The following SIL1 variants were observed in gnomAD, a reference collection of about 807,000 sequenced individuals.
SIL1 encodes SIL1 nucleotide exchange factor.
In SIL1, 40 loss-of-function variants were observed where a neutral mutation model predicts 49.1. That is an observed-to-expected ratio of 0.81 (90% CI 0.63 to 1.06). The LOEUF is 1.06. Ranked by LOEUF, SIL1 falls within the 50% of genes least tolerant of loss-of-function variation. The pLI is 0.00. For synonymous variants in SIL1, 253 were observed against 250.8 expected, an observed-to-expected ratio of 1.01 and a Z score of -0.08; for missense variants, 500 against 572.6, an observed-to-expected ratio of 0.87 and a Z score of 1.29.
At position 138,946,820 on chromosome 5, in the gene SIL1, A is replaced by C; in HGVS notation, c.*297T>G. The C allele has an allele frequency of 2.1e-6, 1 of 471,894 alleles. No homozygotes were observed. 29.2% of individuals were successfully genotyped at this position (471,894 alleles called of 1,614,324 possible). On this transcript the variant is annotated 3_prime_UTR_variant, in exon 10 of 10. Coordinates refer to ENST00000394817, the MANE Select transcript of SIL1 (RefSeq NM_022464.5). ...CCAAGGTACAGAGCTGCTGCTTGGT[A>C]AGAAGCAGAGACTTGCAACTCCTGG...
intron 7 of SIL1, among the ~76,000 whole-genome samples, chr5:138,978,479 T>C (rs1767440998): frequency 6.6e-6 from 1 of 152,252 alleles, no homozygotes; most frequent in Non-Finnish European, 1.5e-5. Context: ...TTGGCTGTTA[T>C]GAATATTGAG....
chr5:139,142,339 A>C (rs1433046637), intron 1 of SIL1, among the ~76,000 whole-genome samples: 1 of 152,208 alleles, frequency 6.6e-6, no homozygotes, highest in East Asian at 1.9e-4. Context: ...AGACACTATA[A>C]GAAGACTCCA....
intron 7 of SIL1, among the ~76,000 whole-genome samples, chr5:139,001,912 AAAG>A (rs895277080): frequency 2.0e-5 from 3 of 151,998 alleles, no homozygotes; most frequent in Non-Finnish European, 4.4e-5. Context: ...TAAAAAAAAA[AAAG>A]AATAGATACA....
At chr5:138,977,213 G>A (rs1281949003) in intron 7 of SIL1, among the ~76,000 whole-genome samples, 1 of 152,294 alleles carries the variant, frequency 6.6e-6, no homozygotes, top group South Asian at 2.1e-4. Flanking sequence ...TATGATGAGA[G>A]TAGCCACAAA....
In SIL1 at chr5:139,021,159, T is replaced by C. The variant is rs1768516956; in HGVS notation, c.767+12A>G. ...CAATTCTGGCCATTGGGACGTCCAT[T>C]ATACTGCTCACCTGGAAAAGGCAGC... On this transcript the variant is annotated intron_variant, in intron 7 of 9. Transcript: ENST00000394817. 1 of 1,614,018 alleles carries C rather than the reference T, an allele frequency of 6.2e-7. No homozygotes were observed. Among genetic ancestry groups the C allele is most frequent in the African/African-American group, 1.3e-5 (1 of 74,914 alleles).
intron 3 of SIL1, among the ~76,000 whole-genome samples, chr5:139,070,981 T>C (rs1205412900): frequency 2.0e-5 from 3 of 152,046 alleles, no homozygotes; most frequent in African/African-American, 7.2e-5. Flanking sequence ...AGAGAATCAA[T>C]CAGACATTAA....
Position 139,112,375 on chromosome 5 carries a change from G to C in SIL1, c.244+8660C>G, listed in dbSNP as rs577878501. 7.2e-5 allele frequency among the ~76,000 whole-genome samples: 11 copies of C among 151,944 alleles called. No individual in the cohort carries two copies. In the South Asian group the frequency reaches 1.2e-3, roughly 17 times the overall value. On this transcript the variant is annotated intron_variant, in intron 3 of 9. Transcript: ENST00000394817. ...GGGAAGTGAGGAGCGCCTCTTCCCG[G>C]CTGCCATCCCGTCTAGGAAGTGAGG...
At chr5:139,186,476 T>C (rs1266627743) in intron 1 of SIL1, among the ~76,000 whole-genome samples, 2 of 152,162 alleles carry the variant, frequency 1.3e-5, no homozygotes. Context: ...AAATATGCTT[T>C]GGTAGTCCCT....
chr5:139,068,655 G>GAAAAAAAAAAAAAAAA (rs745799045), intron 3 of SIL1, among the ~76,000 whole-genome samples: 1 of 64,828 alleles, frequency 1.5e-5, no homozygotes, highest in South Asian at 7.3e-4. Flanking sequence ...GAATGAAAAG[G>GAAAAAAAAAAAAAAAA]AAAAAAAAAA....
At chr5:139,092,639 A>C (rs1770366759) in intron 3 of SIL1, among the ~76,000 whole-genome samples, 1 of 152,226 alleles carries the variant, frequency 6.6e-6, no homozygotes, top group African/African-American at 2.4e-5. Context: ...AACAGAAAGC[A>C]GAACCGCTAC....
At chr5:139,119,829 G>T (rs866943631) in intron 3 of SIL1, among the ~76,000 whole-genome samples, 1 of 152,174 alleles carries the variant, frequency 6.6e-6, no homozygotes, top group Admixed American at 6.5e-5. Context: ...TATCTTCCAC[G>T]CCCTACCCCT....
At chr5:139,039,247 G>A (rs114413990) in intron 5 of SIL1, among the ~76,000 whole-genome samples, 1,937 of 152,236 alleles carry the variant, frequency 0.013, 36 homozygotes, top group African/African-American at 0.043. Flanking sequence ...AGTTCAGGCC[G>A]TCCACTTGGC....
rs1766666402 is a variant in SIL1, at chr5:138,947,651, A to G, written c.1030-178T>C. 6.6e-6 allele frequency among the ~76,000 whole-genome samples: 1 copy of G among 152,150 alleles called. No homozygotes were observed. The highest frequency in any genetic ancestry group is 2.4e-5 in the African/African-American group (1 of 41,422). Reference sequence around the variant, plus strand: ...TGTCTGTCTATTCATTCATTCATCCACCAACAGAAACACTTGTGTGGTGCC... The same window carrying G: ...TGTCTGTCTATTCATTCATTCATCCGCCAACAGAAACACTTGTGTGGTGCC... On this transcript the variant is annotated intron_variant, in intron 9 of 9. Transcript: ENST00000394817. This position sits in a 1 kb window ranked among gnomAD's most constrained non-coding sequence, Gnocchi z 4.1.
At chr5:139,069,848 A>G (rs946978422) in intron 3 of SIL1, among the ~76,000 whole-genome samples, 2 of 152,230 alleles carry the variant, frequency 1.3e-5, no homozygotes, top group Non-Finnish European at 2.9e-5. Context: ...CAGAAGATGA[A>G]GTACTCAAAG....
intron 7 of SIL1, among the ~76,000 whole-genome samples, chr5:138,960,448 C>T (rs1007188251): frequency 7.5e-6 from 1 of 132,526 alleles, no homozygotes; most frequent in South Asian, 2.5e-4. Flanking sequence ...TTCAGAGTCT[C>T]ACCTCACTCT....
chr5:138,993,278 C>T (rs1325777589), intron 7 of SIL1, among the ~76,000 whole-genome samples: 2 of 152,154 alleles, frequency 1.3e-5, no homozygotes, highest in African/African-American at 2.4e-5. Context: ...AAGGGCTATT[C>T]CTTAGGGATG....
chr5:139,068,335 G>C (rs1769751599), intron 3 of SIL1, among the ~76,000 whole-genome samples: 1 of 152,208 alleles, frequency 6.6e-6, no homozygotes, highest in Admixed American at 6.5e-5. Flanking sequence ...GTAACAGCAA[G>C]TGAACCTATG....
intron 7 of SIL1, among the ~76,000 whole-genome samples, chr5:138,973,201 T>TA (rs5871690): frequency 0.3 from 31,897 of 105,060 alleles, 4,696 homozygotes; most frequent in Middle Eastern, 0.41. Flanking sequence ...TTGAAGTATT[T>TA]AAAAAAAAAA....
At chr5:139,108,802 A>G (rs1049008867) in intron 3 of SIL1, among the ~76,000 whole-genome samples, 2 of 152,156 alleles carry the variant, frequency 1.3e-5, no homozygotes, top group Admixed American at 1.3e-4. Flanking sequence ...GCCACCTGCC[A>G]GTCAGCTGCA....
Sources: allele counts gnomAD v4.1 joint callset (sites outside exome capture counted in the v4.1 genomes callset), GRCh38; gene constraint gnomAD v4.1.1; non-coding constraint Gnocchi (gnomAD v3.1); transcripts MANE v1.5; gene names NCBI Gene and HGNC (gene_info 2026-07-23, HGNC 2026-07-21).